The following DENND1B variants were observed in gnomAD, a reference collection of about 807,000 sequenced individuals.
DENND1B encodes the protein DENN domain containing 1B.
DENND1B carries 59 observed loss-of-function variants against 90.1 expected under a neutral mutation model. That is an observed-to-expected ratio of 0.65 (90% confidence interval 0.53 to 0.81). The LOEUF is 0.81. DENND1B is among the 40% of genes least tolerant of loss of function. The pLI is 0.00. For missense variants in DENND1B, 862 were observed against 912.6 expected, an observed-to-expected ratio of 0.94 and a Z score of 0.71; for synonymous variants, 337 against 324.6, an observed-to-expected ratio of 1.04 and a Z score of -0.41.
intron 10 of DENND1B, among the ~76,000 whole-genome samples, chr1:197,629,759 A>T (rs1439485992): frequency 6.6e-6 from 1 of 152,030 alleles, no homozygotes; most frequent in Non-Finnish European, 1.5e-5. Flanking sequence ...AAATTTAAAA[A>T]GCAGCCACGG....
At chr1:197,614,158 A>G (rs963820359) in intron 11 of DENND1B, among the ~76,000 whole-genome samples, 35 of 151,114 alleles carry the variant, frequency 2.3e-4, no homozygotes, top group African/African-American at 8.5e-4. Context: ...TTAAGCTGAC[A>G]TAAAAATATT....
intron 2 of DENND1B, chr1:197,735,965 G>C: frequency 7.4e-7 from 1 of 1,344,888 alleles, no homozygotes. Flanking sequence ...AAGGTATCAG[G>C]GCTGCTAAGG....
rs1465274095 is a variant in DENND1B, at chr1:197,508,843, A to G, written c.*1617T>C. The G allele has an allele frequency of 2.0e-5, 3 of 151,772 alleles. No individual in the cohort carries two copies. Among genetic ancestry groups the G allele is most frequent in the Non-Finnish European group, 4.4e-5 (3 of 67,826 alleles). The allele number at this position is 151,772 out of a possible 1,614,324, so 9.4% of individuals were successfully genotyped here. On this transcript the variant is annotated 3_prime_UTR_variant, in exon 23 of 23. Transcript: ENST00000620048. ...TAATCTAGTCTATCATGAAGTAATT[A>G]GTACATGATTCCTTCTCAGATGAAT... is the stretch of plus-strand genomic sequence containing the variant.
chr1:197,734,609 C>G, intron 2 of DENND1B: 1 of 982,236 alleles, frequency 1.0e-6, no homozygotes, highest in Non-Finnish European at 1.2e-6. Flanking sequence ...ACATTACATT[C>G]GTAATTTAAA....
chr1:197,537,231 T>C (rs963781815), intron 20 of DENND1B, among the ~76,000 whole-genome samples: 2 of 152,146 alleles, frequency 1.3e-5, no homozygotes, highest in African/African-American at 2.4e-5. Context: ...TCTAAACATG[T>C]ATGTTTAATC....
intron 9 of DENND1B, among the ~76,000 whole-genome samples, chr1:197,644,286 G>T (rs1418992046): frequency 2.0e-5 from 3 of 152,120 alleles, no homozygotes; most frequent in African/African-American, 7.2e-5. Flanking sequence ...CCCTAAACAG[G>T]ACTTTCTGCA....
intron 2 of DENND1B, among the ~76,000 whole-genome samples, chr1:197,715,369 T>C (rs1621898): frequency 0.84 from 127,440 of 151,690 alleles, 53,831 homozygotes; most frequent in African/African-American, 0.92. Context: ...ATTGACATAC[T>C]TTAGATTTTA....
At chr1:197,523,723 G>A (rs1377553624) in intron 20 of DENND1B, among the ~76,000 whole-genome samples, 2 of 152,218 alleles carry the variant, frequency 1.3e-5, no homozygotes, top group South Asian at 2.1e-4. Flanking sequence ...ATTTTCCGAT[G>A]GACTCAGCCT....
At chr1:197,642,345 C>T (rs1043568902) in intron 10 of DENND1B, among the ~76,000 whole-genome samples, 1 of 152,062 alleles carries the variant, frequency 6.6e-6, no homozygotes, top group African/African-American at 2.4e-5. Flanking sequence ...ATTATCATGG[C>T]CCCTTGATTT....
intron 13 of DENND1B, among the ~76,000 whole-genome samples, chr1:197,599,546 T>C (rs1322393858): frequency 6.6e-6 from 1 of 151,864 alleles, no homozygotes; most frequent in Admixed American, 6.6e-5. Flanking sequence ...AAGTGTCAAA[T>C]AATCATCTGT....
At chr1:197,581,400 T>G (rs959731044) in intron 15 of DENND1B, among the ~76,000 whole-genome samples, 7 of 152,206 alleles carry the variant, frequency 4.6e-5, no homozygotes, top group Non-Finnish European at 1.0e-4. Context: ...TTGAACAAAC[T>G]GTATTTTTTA....
intron 5 of DENND1B, 59 bp downstream of exon 5, chr1:197,671,978 G>A: frequency 6.5e-7 from 1 of 1,538,440 alleles, no homozygotes; most frequent in South Asian, 1.2e-5. Flanking sequence ...GCATAACAAA[G>A]TACAATAGAG....
intron 3 of DENND1B, among the ~76,000 whole-genome samples, chr1:197,705,234 C>CT (rs996759233): frequency 6.6e-6 from 1 of 152,062 alleles, no homozygotes; most frequent in Non-Finnish European, 1.5e-5. Context: ...AATAAATTCC[C>CT]TAAAAAGTAT....
At chr1:197,756,638 G>C (rs905921074) in intron 2 of DENND1B, among the ~76,000 whole-genome samples, 5 of 149,110 alleles carry the variant, frequency 3.4e-5, no homozygotes, top group African/African-American at 1.2e-4. Flanking sequence ...TTACTATTTA[G>C]GGAAAACAAT....
chr1:197,676,585 T>C lies in DENND1B; in HGVS notation c.127-2416A>G, dbSNP rs573476309. Among the ~76,000 whole-genome samples, 14 of 152,182 alleles carry C rather than the reference T, an allele frequency of 9.2e-5. No individual in the cohort carries two copies. In the South Asian group the frequency reaches 2.9e-3, roughly 32 times the overall value. The stretch of plus-strand genomic sequence containing the variant: ...AAGAAAAATTATTTTGGATTCAGAA[T>C]CCTCCTAACTCTCCAAAATATTTTA... On this transcript the variant is annotated intron_variant, in intron 3 of 22. Coordinates refer to ENST00000620048, the MANE Select transcript of DENND1B (RefSeq NM_001195215.2).
chr1:197,718,126 A>G (rs1254277226), intron 2 of DENND1B, among the ~76,000 whole-genome samples: 1 of 152,008 alleles, frequency 6.6e-6, no homozygotes. Context: ...AGCTTTCTTT[A>G]TTGAGATGTG....
At chr1:197,663,217 G>A (rs1440655706) in intron 5 of DENND1B, among the ~76,000 whole-genome samples, 2 of 152,010 alleles carry the variant, frequency 1.3e-5, no homozygotes, top group African/African-American at 4.8e-5. Flanking sequence ...TTCAACTACA[G>A]CACTCCCTGT....
chr1:197,746,339 G>A (rs1243780727), intron 2 of DENND1B, among the ~76,000 whole-genome samples: 1 of 152,182 alleles, frequency 6.6e-6, no homozygotes, highest in Non-Finnish European at 1.5e-5. Context: ...TGGTTGCAGT[G>A]AGCCAAAATC....
rs567251734 is a variant in DENND1B at position 197,512,076 on chromosome 1, T to C, written c.1599-132A>G. On this transcript the variant is annotated intron_variant, in intron 21 of 22. Transcript: ENST00000620048. ...CAATAATTAGTTCATCACCAAATTC[T>C]TTACCGTGATGTGTATACTAATTCC... is the stretch of plus-strand genomic sequence containing the variant. 3.1e-4 allele frequency: 202 copies of C among 653,960 alleles called. No individual in the cohort carries two copies. In the East Asian group the frequency reaches 5.7e-3, roughly 18 times the overall value. 40.5% of individuals were successfully genotyped at this position (653,960 alleles called of 1,614,324 possible). A position where few individuals can be genotyped will look rare whatever the true frequency, so the allele number is the denominator to read the frequency against.
Sources: gnomAD v4.1 joint callset for allele counts (sites outside exome capture counted in the v4.1 genomes callset) on GRCh38, gnomAD v4.1.1 for gene constraint, MANE v1.5 for transcripts, NCBI Gene and HGNC (gene_info 2026-07-23, HGNC 2026-07-21) for gene names.